Variants in IKBKB observed in about 807,000 individuals in gnomAD.
IKBKB encodes the protein inhibitor of nuclear factor kappa-B kinase subunit beta.
A neutral mutation model predicts 113.6 loss-of-function variants in IKBKB; 42 were observed. The observed-to-expected ratio is 0.37, with a 90% CI of 0.29 to 0.48. The LOEUF is 0.48. Ranked by LOEUF, IKBKB falls within the 20% of genes least tolerant of loss-of-function variation. The pLI is 0.99. For missense variants in IKBKB, 673 were observed against 939.7 expected, an observed-to-expected ratio of 0.72 and a Z score of 3.71; for synonymous variants, 296 against 361.3, an observed-to-expected ratio of 0.82 and a Z score of 2.05.
rs1158164991 is a variant in IKBKB at position 42,316,372 on chromosome 8, A to G, written c.930+33A>G. 6.2e-7 allele frequency: 1 copy of G among 1,613,340 alleles called. No homozygotes were observed. The highest frequency in any genetic ancestry group is 8.5e-7 in the Non-Finnish European group (1 of 1,179,512). ...TGGAGCCAAGTTAGCCCTGAGGCAAAAGCTGGGGTCCCCAGTGGAACATGC... is the reference window on the plus strand; with the variant it reads ...TGGAGCCAAGTTAGCCCTGAGGCAAGAGCTGGGGTCCCCAGTGGAACATGC... On this transcript the variant is annotated intron_variant, in intron 10 of 21. Transcript: ENST00000520810. The surrounding 1 kb of genome is among the most constrained non-coding windows in gnomAD (Gnocchi z 4.5).
At chr8:42,271,656 G>A (rs1460577410) in intron 1 of IKBKB, 187 bp downstream of exon 1, 13 of 539,564 alleles carry the variant, frequency 2.4e-5, no homozygotes, top group Non-Finnish European at 3.6e-5. Context: ...TGGCTTCTTG[G>A]GGGTGGGTGG....
intron 13 of IKBKB, 153 bp downstream of exon 13, chr8:42,318,828 G>A: frequency 1.4e-6 from 1 of 730,822 alleles, no homozygotes; most frequent in Non-Finnish European, 2.2e-6. Context: ...GCGGTTGGGT[G>A]GGCTGGACTG....
chr8:42,296,479 A>G (rs2130398463), intron 5 of IKBKB, among the ~76,000 whole-genome samples: 1 of 152,296 alleles, frequency 6.6e-6, no homozygotes, highest in Admixed American at 6.5e-5. Flanking sequence ...AACGTACAAA[A>G]AACCCAAAAA....
intron 5 of IKBKB, among the ~76,000 whole-genome samples, chr8:42,301,907 G>A (rs1031911457): frequency 3.3e-5 from 5 of 152,172 alleles, no homozygotes; most frequent in Non-Finnish European, 2.9e-5. Context: ...AGCTCTGGGG[G>A]CCTTGTCTCA....
intron 5 of IKBKB, among the ~76,000 whole-genome samples, chr8:42,299,521 C>T (rs945058664): frequency 1.3e-5 from 2 of 151,284 alleles, no homozygotes; most frequent in African/African-American, 4.9e-5. Context: ...CAGGCGTGAC[C>T]CTCAGAACCC....
At chr8:42,273,953 C>T (rs1379545373) in intron 2 of IKBKB, among the ~76,000 whole-genome samples, 1 of 152,100 alleles carries the variant, frequency 6.6e-6, no homozygotes, top group Non-Finnish European at 1.5e-5. Flanking sequence ...GGGTAATTGG[C>T]GTGTTCATCA....
At chr8:42,288,572 C>G in intron 2 of IKBKB, 62 bp from the exon 3 acceptor site, 1 of 1,325,322 alleles carries the variant, frequency 7.5e-7, no homozygotes, top group Non-Finnish European at 1.1e-6. Context: ...TCCCATGCAG[C>G]AGACAGGGTG....
In IKBKB at chr8:42,308,844, C is replaced by T. The variant is rs1817094832; in HGVS notation, c.568-57C>T. The T allele has an allele frequency of 3.8e-6, 6 of 1,576,666 alleles. No individual in the cohort carries two copies. The Admixed American group carries it at 5.2e-5, about 14-fold the overall frequency. On this transcript the variant is annotated intron_variant, in intron 7 of 21. Transcript: ENST00000520810. ...AAGCAGATGGGCTGGCCGCCCCCTC[C>T]TGCCGTGGTCCCCCCAGAGAGGAGC...
intron 19 of IKBKB, chr8:42,325,579 T>C (rs1820581019): frequency 2.6e-5 from 20 of 759,688 alleles, no homozygotes; most frequent in Non-Finnish European, 3.3e-5. Context: ...CTTGGGAAGC[T>C]GAGGCAGGAG....
rs757272789 is a variant in IKBKB, at chr8:42,317,768, A to G, written c.1237A>G (p.Ile413Val). The G allele has an allele frequency of 6.3e-7, 1 of 1,597,412 alleles. No individual in the cohort carries two copies. ...PRPQPESVSC[I>V]LQEPKRNLAF... is the part of the protein sequence containing the mutation. ...GCCCCAACCTGAAAGTGTCAGCTGT[A>G]TCCGTAAGAATTTGTTATGTTTTGT... The change falls in exon 12 of 22, where the codon ATC (isoleucine) becomes GTC (valine). Residue 413 changes from isoleucine to valine, a missense_variant. Physicochemically the swap from Ile to Val is conservative, Grantham distance 29. Transcript: ENST00000520810.
intron 14 of IKBKB, 52 bp from the exon 15 acceptor site, chr8:42,319,533 G>A (rs70958393): frequency 4.4e-6 from 7 of 1,578,564 alleles, no homozygotes; most frequent in Non-Finnish European, 5.2e-6. Flanking sequence ...TTTCAGTTTT[G>A]TGGTGTTTTT....
rs139678042 is a variant in IKBKB, at chr8:42,314,699, C to T, written c.800+270C>T. 3.5e-3 allele frequency among the ~76,000 whole-genome samples: 528 copies of T among 150,990 alleles called. 5 individuals carry two copies. Among genetic ancestry groups the T allele is most frequent in the African/African-American group, 0.012 (490 of 40,988 alleles). ...CTAAGGCAGGAGAATCACTTGAACC[C>T]GGGAGGCAAAGGTTGCAGTGAGCTG... is the stretch of plus-strand genomic sequence containing the variant. On this transcript the variant is annotated intron_variant, in intron 9 of 21. Coordinates refer to ENST00000520810, the MANE Select transcript of IKBKB (RefSeq NM_001556.3).
At chr8:42,289,735 G>A (rs571189547) in intron 3 of IKBKB, among the ~76,000 whole-genome samples, 3 of 152,230 alleles carry the variant, frequency 2.0e-5, no homozygotes, top group African/African-American at 7.2e-5. Flanking sequence ...GTGTGTGCGT[G>A]AACCAACCTG....
At chr8:42,320,708 T>C (rs1395575272) in intron 15 of IKBKB, 27 bp from the exon 16 acceptor site, 1 of 1,581,712 alleles carries the variant, frequency 6.3e-7, no homozygotes, top group South Asian at 1.1e-5. Context: ...ACCACATCAG[T>C]TGACATTAGC....
At chr8:42,309,477 G>C (rs570535804) in intron 8 of IKBKB, 3 of 415,666 alleles carry the variant, frequency 7.2e-6, no homozygotes, top group Non-Finnish European at 1.4e-5. Flanking sequence ...GAATGTGGCC[G>C]GGTACAGTGG....
intron 20 of IKBKB, 134 bp downstream of exon 20, chr8:42,326,231 G>T: frequency 1.9e-6 from 2 of 1,068,830 alleles, no homozygotes; most frequent in Non-Finnish European, 2.7e-6. Context: ...CATCTGCTGG[G>T]TCCTGTGGGG....
intron 2 of IKBKB, among the ~76,000 whole-genome samples, chr8:42,285,261 G>T (rs1212176181): frequency 6.6e-6 from 1 of 152,244 alleles, no homozygotes; most frequent in East Asian, 1.9e-4. Context: ...ATAGCAACAA[G>T]GTGGCCGGGT....
chr8:42,325,780 A>G, intron 19 of IKBKB, 190 bp from the exon 20 acceptor site: 2 of 1,428,896 alleles, frequency 1.4e-6, no homozygotes, highest in Non-Finnish European at 9.1e-7. Flanking sequence ...GTCTCCGTTG[A>G]TACAGAAACA....
chr8:42,326,355 G>T (rs996376469), intron 20 of IKBKB: 4 of 470,222 alleles, frequency 8.5e-6, no homozygotes, highest in Non-Finnish European at 1.5e-5. Context: ...TGCTGGTCAG[G>T]CACATGCTGT....
Sources: gnomAD v4.1 joint callset for allele counts (sites outside exome capture counted in the v4.1 genomes callset) on GRCh38, gnomAD v4.1.1 for gene constraint, Gnocchi (gnomAD v3.1) non-coding constraint, MANE v1.5 for transcripts, NCBI Gene and HGNC (gene_info 2026-07-23, HGNC 2026-07-21) for gene names.